ZNF431: variants seen among roughly 807,000 people sequenced by gnomAD.
ZNF431 encodes the protein zinc finger protein 431.
ZNF431 carries 34 observed loss-of-function variants against 57.0 expected under a neutral mutation model. The ratio of observed to expected loss-of-function variants is 0.60; its 90% CI spans 0.45 to 0.79. The LOEUF is 0.79. ZNF431 is among the 30% of genes least tolerant of loss of function. The probability of loss-of-function intolerance (pLI) is 0.00; values close to 1 mark genes in which losing one functional copy is unlikely to be tolerated. For synonymous variants in ZNF431, 207 were observed against 220.3 expected (o/e 0.94, Z 0.54); for missense variants, 607 against 667.1 (o/e 0.91, Z 0.99).
chr19:21,153,558 G>A (rs1482969317), intron 2 of ZNF431, among the ~76,000 whole-genome samples: 3 of 152,218 alleles, frequency 2.0e-5, no homozygotes, highest in Non-Finnish European at 2.9e-5. Flanking sequence ...GTGCTTCATT[G>A]TTCCCCACCT....
Position 21,155,520 on chromosome 19 carries a change from A to G in ZNF431, c.97-10815A>G, listed in dbSNP as rs573621144. Among the ~76,000 whole-genome samples, 99 of 152,284 alleles carry G rather than the reference A, an allele frequency of 6.5e-4. 1 individual carries two copies. Among genetic ancestry groups the G allele is most frequent in the African/African-American group, 2.1e-3 (86 of 41,552 alleles). On this transcript the variant is annotated intron_variant, in intron 2 of 4. Coordinates refer to ENST00000311048, the MANE Select transcript of ZNF431 (RefSeq NM_133473.4). ...GCAATGTGGGCTCCTTTTTGGTTCC[A>G]TATGAACTTTAAAGTAGTTTTTTCC...
Position 21,142,282 on chromosome 19 carries a change from G to C in ZNF431, c.3+96G>C, listed in dbSNP as rs371860932. On this transcript the variant is annotated intron_variant, in intron 1 of 4. Transcript: ENST00000311048. ...CGGGACTCAGGCCTCCCCGCAGTCA[G>C]CTCCACAGTCTGCGCCCCGAGTTCT... 8.1e-5 allele frequency: 125 copies of C among 1,548,068 alleles called. No homozygotes were observed. In the African/African-American group the frequency reaches 1.5e-3, roughly 18 times the overall value.
At chr19:21,172,427 CAAAA>C (rs372960141) in intron 4 of ZNF431, among the ~76,000 whole-genome samples, 1 of 63,926 alleles carries the variant, frequency 1.6e-5, no homozygotes, top group Non-Finnish European at 3.2e-5. Flanking sequence ...GATTCCATCT[CAAAA>C]AAAAAAAAAA....
At chr19:21,162,766 A>T in intron 2 of ZNF431, 1 of 985,372 alleles carries the variant, frequency 1.0e-6, no homozygotes, top group Non-Finnish European at 1.2e-6. Context: ...TAAATGAGAA[A>T]AATAAACTGT....
At position 21,167,598 on chromosome 19, in the gene ZNF431, T is replaced by A; in HGVS notation, c.251T>A (p.Val84Asp). 6.3e-7 allele frequency: 1 copy of A among 1,585,258 alleles called. No individual in the cohort carries two copies. Among genetic ancestry groups the A allele is most frequent in the Non-Finnish European group, 8.6e-7 (1 of 1,166,044 alleles). The change falls in exon 4 of 5, where the codon GTC becomes GAC. Residue 84 changes from valine (V) to aspartate (D), a missense_variant. Val to Asp is a radical substitution (Grantham distance 152, BLOSUM62 -3). Coordinates refer to ENST00000311048, the MANE Select transcript of ZNF431 (RefSeq NM_133473.4). ...GTTGCTGTCTCTAAGCAAGACCCAGTCACCTGTCTGGAGCAAGAAAAAGAG... is the reference window on the plus strand; with the variant it reads ...GTTGCTGTCTCTAAGCAAGACCCAGACACCTGTCTGGAGCAAGAAAAAGAG... ...LGVAVSKQDP[V>D]TCLEQEKEPW... is the part of the protein sequence containing the mutation.
At chr19:21,178,957 C>T (rs1398872940) in intron 4 of ZNF431, among the ~76,000 whole-genome samples, 2 of 152,062 alleles carry the variant, frequency 1.3e-5, no homozygotes, top group Non-Finnish European at 2.9e-5. Flanking sequence ...GTACCAGATC[C>T]TCTTTGTGCC....
intron 2 of ZNF431, among the ~76,000 whole-genome samples, chr19:21,163,760 T>TCCGC (rs1970643314): frequency 6.6e-6 from 1 of 152,128 alleles, no homozygotes; most frequent in African/African-American, 2.4e-5. Context: ...CCTCAGGTGA[T>TCCGC]CCGCCCCACT....
intron 2 of ZNF431, among the ~76,000 whole-genome samples, chr19:21,165,412 C>T (rs910918774): frequency 6.6e-6 from 1 of 152,130 alleles, no homozygotes; most frequent in African/African-American, 2.4e-5. Flanking sequence ...TTATGGAATG[C>T]GGGAGATATC....
chr19:21,175,588 T>G (rs940391385), intron 4 of ZNF431: 12 of 535,878 alleles, frequency 2.2e-5, no homozygotes, highest in Non-Finnish European at 3.3e-6. Flanking sequence ...TCCCTCCCCG[T>G]GACAGACCCC....
intron 4 of ZNF431, among the ~76,000 whole-genome samples, chr19:21,170,624 GATAAC>G (rs1970857583): frequency 6.6e-6 from 1 of 151,648 alleles, no homozygotes; most frequent in African/African-American, 2.4e-5. Context: ...ATATCTAAAT[GATAAC>G]ATAATTTCTT....
Position 21,149,095 on chromosome 19 carries a change from A to G in ZNF431, c.96+5452A>G, listed in dbSNP as rs916866081. Among the ~76,000 whole-genome samples the G allele has an allele frequency of 3.9e-5, 6 of 152,304 alleles. No homozygotes were observed. The East Asian group carries it at 1.2e-3, about 29-fold the overall frequency. On this transcript the variant is annotated intron_variant, in intron 2 of 4. Coordinates refer to ENST00000311048, the MANE Select transcript of ZNF431 (RefSeq NM_133473.4). ...TAAACATCCCTCTTTTTAAATAACC[A>G]GTCATTTTACTTTAGGATAAGAATT...
chr19:21,185,075 A>AT lies in ZNF431; in HGVS notation c.*1047dup, dbSNP rs916044264. ...GAAATCAACAGTTATACTAGAATAT[A>AT]TTTTTTCCAGATGCAGTAAAAGTAA... On this transcript the variant is annotated 3_prime_UTR_variant, in exon 5 of 5. Transcript: ENST00000311048. 28 of 152,142 alleles carry AT rather than the reference A, an allele frequency of 1.8e-4. No individual in the cohort carries two copies. The highest frequency in any genetic ancestry group is 6.3e-4 in the African/African-American group (26 of 41,440). The allele number at this position is 152,142 out of a possible 1,614,324, so 9.4% of individuals were successfully genotyped here.
chr19:21,151,799 C>T (rs1970281560), intron 2 of ZNF431, among the ~76,000 whole-genome samples: 2 of 152,276 alleles, frequency 1.3e-5, no homozygotes, highest in African/African-American at 4.8e-5. Context: ...AGATTTGTTA[C>T]AGCTTAAGAC....
At chr19:21,165,787 T>G (rs1190286042) in intron 2 of ZNF431, among the ~76,000 whole-genome samples, 1 of 152,078 alleles carries the variant, frequency 6.6e-6, no homozygotes, top group Non-Finnish European at 1.5e-5. Context: ...GCCAGAAACA[T>G]TGGGAAAAAC....
At chr19:21,149,717 G>C in intron 2 of ZNF431, 1 of 606,498 alleles carries the variant, frequency 1.6e-6, no homozygotes, top group East Asian at 3.7e-5. Flanking sequence ...CCACAGACTT[G>C]AGACCCAGGG....
At chr19:21,144,992 A>C (rs1016401658) in intron 2 of ZNF431, among the ~76,000 whole-genome samples, 2 of 151,430 alleles carry the variant, frequency 1.3e-5, no homozygotes, top group Non-Finnish European at 2.9e-5. Flanking sequence ...AAAATAATAG[A>C]TATGTTGTCT....
At position 21,167,623 on chromosome 19, in the gene ZNF431, G is replaced by C. The variant is rs747068487; in HGVS notation, c.276G>C (p.Glu92Asp). Residue 92 changes from glutamate (E) to aspartate (D), a missense_variant, in exon 4 of 5, where the codon GAG becomes GAC. By Grantham distance (45) the Glu-to-Asp change is conservative (BLOSUM62 2). Transcript: ENST00000311048. ...DPVTCLEQEK[E>D]PWNMKRHEMV... ...TCACCTGTCTGGAGCAAGAAAAAGAGCCCTGGAATATGAAGAGACATGAGA... is the reference window on the plus strand; with the variant it reads ...TCACCTGTCTGGAGCAAGAAAAAGACCCCTGGAATATGAAGAGACATGAGA... 8.2e-6 allele frequency: 13 copies of C among 1,589,432 alleles called. No individual in the cohort carries two copies. The highest frequency in any genetic ancestry group is 1.0e-5 in the Non-Finnish European group (12 of 1,167,236).
intron 2 of ZNF431, chr19:21,150,446 C>G: frequency 4.1e-6 from 1 of 241,546 alleles, no homozygotes; most frequent in Non-Finnish European, 8.1e-6. Context: ...CATCTTGGGT[C>G]GGGGGAGGAG....
intron 2 of ZNF431, among the ~76,000 whole-genome samples, chr19:21,149,198 A>C (rs1277639023): frequency 6.6e-6 from 1 of 152,296 alleles, no homozygotes; most frequent in African/African-American, 2.4e-5. Context: ...GGCTAATTCC[A>C]TATGTCTCAA....
Sources: gnomAD v4.1 joint callset for allele counts (sites outside exome capture counted in the v4.1 genomes callset) on GRCh38, gnomAD v4.1.1 for gene constraint, MANE v1.5 for transcripts, NCBI Gene and HGNC (gene_info 2026-07-23, HGNC 2026-07-21) for gene names.